CFAP54: variants seen among roughly 807,000 people sequenced by gnomAD.
CFAP54 encodes the protein cilia- and flagella-associated protein 54.
Under a neutral mutation model 370.4 loss-of-function variants are expected in CFAP54, and 290 were observed. The ratio of observed to expected loss-of-function variants is 0.78; its 90% confidence interval spans 0.71 to 0.86. The LOEUF is 0.86. Ranked by LOEUF, CFAP54 falls within the 40% of genes least tolerant of loss-of-function variation. The pLI is 0.00. For missense variants in CFAP54, 3,399 were observed against 3,528.7 expected (o/e 0.96, Z 0.93); for synonymous variants, 1,206 against 1,236.5 (o/e 0.98, Z 0.52).
chr12:96,534,046 G>T lies in CFAP54; in HGVS notation c.1540-16G>T. 1 of 1,512,336 alleles carries T rather than the reference G, an allele frequency of 6.6e-7. No homozygotes were observed. 93.7% of individuals were successfully genotyped at this position (1,512,336 alleles called of 1,614,324 possible). Reference sequence around the variant, plus strand: ...CATCCAATTACTAATTAACGTGTGGGATATACTTCCCCAAGAGGCAGGATG... The same window carrying T: ...CATCCAATTACTAATTAACGTGTGGTATATACTTCCCCAAGAGGCAGGATG... On this transcript the variant is annotated splice_polypyrimidine_tract_variant and intron_variant, in intron 10 of 67. Coordinates refer to ENST00000524981, the MANE Select transcript of CFAP54 (RefSeq NM_001306084.2).
intron 39 of CFAP54, among the ~76,000 whole-genome samples, chr12:96,669,542 G>A (rs1051753247): frequency 2.6e-5 from 4 of 152,116 alleles, no homozygotes; most frequent in Non-Finnish European, 1.5e-5. Context: ...GACAGAGGAT[G>A]TCCACAGGAC....
chr12:96,614,043 G>A (rs930139791), intron 26 of CFAP54, among the ~76,000 whole-genome samples: 6 of 151,964 alleles, frequency 3.9e-5, no homozygotes, highest in African/African-American at 1.2e-4. Flanking sequence ...TACCAAAGCC[G>A]GGCAGAGACA....
chr12:96,500,823 G>A lies in CFAP54; in HGVS notation c.318-11G>A, dbSNP rs755945863. Reference sequence around the variant, plus strand: ...CTTTGACAATGTCGTTTTATTTTATGATTTTTACAGTGCCACTTCTTTGTT... The same window carrying A: ...CTTTGACAATGTCGTTTTATTTTATAATTTTTACAGTGCCACTTCTTTGTT... On this transcript the variant is annotated splice_polypyrimidine_tract_variant and intron_variant, in intron 1 of 67. Coordinates refer to ENST00000524981, the MANE Select transcript of CFAP54 (RefSeq NM_001306084.2). 229 of 1,480,650 alleles carry A rather than the reference G, an allele frequency of 1.5e-4. 1 individual carries two copies. In the Middle Eastern group the frequency reaches 1.6e-3, roughly 10 times the overall value. The allele number at this position is 1,480,650 out of a possible 1,614,324, so 91.7% of individuals were successfully genotyped here.
At chr12:96,724,155 T>C (rs1957798388) in intron 50 of CFAP54, among the ~76,000 whole-genome samples, 2 of 150,626 alleles carry the variant, frequency 1.3e-5, no homozygotes, top group South Asian at 2.1e-4. Flanking sequence ...TGTGTCTTTA[T>C]AGCAGCATGA....
At chr12:96,759,410 A>G (rs894392059) in intron 58 of CFAP54, among the ~76,000 whole-genome samples, 12 of 152,184 alleles carry the variant, frequency 7.9e-5, no homozygotes, top group Admixed American at 5.2e-4. Flanking sequence ...AAGAACATAA[A>G]GAAGTTAGAA....
intron 22 of CFAP54, 129 bp from the exon 23 acceptor site, chr12:96,589,298 T>C (rs1353129506): frequency 2.7e-6 from 2 of 737,092 alleles, no homozygotes; most frequent in Admixed American, 2.8e-5. Flanking sequence ...ATGTGAATGA[T>C]TGTATCTGAA....
chr12:96,598,446 G>A (rs1181703067), intron 25 of CFAP54, among the ~76,000 whole-genome samples, 199 bp from the exon 26 acceptor site: 1 of 151,838 alleles, frequency 6.6e-6, no homozygotes, highest in Non-Finnish European at 1.5e-5. Flanking sequence ...GTTGCTGTAG[G>A]TGAAGGACTA....
At chr12:96,608,810 G>A (rs1956327125) in intron 26 of CFAP54, among the ~76,000 whole-genome samples, 2 of 151,968 alleles carry the variant, frequency 1.3e-5, no homozygotes, top group African/African-American at 4.8e-5. Context: ...GAACAGAGAG[G>A]AATAAGAGAG....
intron 26 of CFAP54, among the ~76,000 whole-genome samples, chr12:96,610,415 G>A (rs1205985564): frequency 6.6e-6 from 1 of 151,354 alleles, no homozygotes; most frequent in African/African-American, 2.4e-5. Flanking sequence ...GTTATGGGGG[G>A]GTGGGGGCTC....
At chr12:96,691,520 CT>C (rs1182350731) in intron 44 of CFAP54, among the ~76,000 whole-genome samples, 1 of 152,100 alleles carries the variant, frequency 6.6e-6, no homozygotes, top group Non-Finnish European at 1.5e-5. Flanking sequence ...GTCTATTTGA[CT>C]TTTTCTCCTT....
intron 66 of CFAP54, among the ~76,000 whole-genome samples, chr12:96,833,629 T>C (rs904493334): frequency 1.3e-5 from 2 of 151,876 alleles, no homozygotes; most frequent in African/African-American, 4.8e-5. Flanking sequence ...GAAAATGTTA[T>C]CCTAGGTCAA....
At position 96,527,302 on chromosome 12, in the gene CFAP54, T is replaced by C. The variant is rs1179608887; in HGVS notation, c.1215T>C (p.Thr405=). The C allele has an allele frequency of 6.5e-7, 1 of 1,535,722 alleles. No homozygotes were observed. Among genetic ancestry groups the C allele is most frequent in the Non-Finnish European group, 8.7e-7 (1 of 1,146,708 alleles). Residue 405 remains threonine, a synonymous_variant, in exon 9 of 68, where the codon ACT becomes ACC. Transcript: ENST00000524981. ...ERLLDEMFDS[T]ASQFLAVLEA... is the part of the protein sequence containing the mutation. The stretch of plus-strand genomic sequence containing the variant: ...TACTGGATGAGATGTTTGATAGCAC[T>C]GCATCCCAGTTTCTGGCTGTCTTGG...
At chr12:96,624,429 C>G (rs1359170319) in intron 28 of CFAP54, among the ~76,000 whole-genome samples, 1 of 152,100 alleles carries the variant, frequency 6.6e-6, no homozygotes, top group Non-Finnish European at 1.5e-5. Flanking sequence ...TGAACCAATG[C>G]CTTTCAGAGT....
At chr12:96,805,404 T>TA (rs1390756098) in intron 63 of CFAP54, among the ~76,000 whole-genome samples, 1 of 151,360 alleles carries the variant, frequency 6.6e-6, no homozygotes, top group African/African-American at 2.4e-5. Flanking sequence ...AAAAAACCAT[T>TA]AAAAAGTGGA....
intron 60 of CFAP54, among the ~76,000 whole-genome samples, chr12:96,773,340 C>T (rs781583419): frequency 3.3e-5 from 5 of 152,184 alleles, no homozygotes; most frequent in African/African-American, 4.8e-5. Context: ...TCACACCAGC[C>T]GAAGAGATGC....
At chr12:96,757,334 GT>G (rs1412665772) in intron 57 of CFAP54, among the ~76,000 whole-genome samples, 160 bp from the exon 58 acceptor site, 1 of 152,214 alleles carries the variant, frequency 6.6e-6, no homozygotes, top group African/African-American at 2.4e-5. Flanking sequence ...GAAGATGCTA[GT>G]ATCTATGGTC....
intron 63 of CFAP54, among the ~76,000 whole-genome samples, chr12:96,810,099 G>C (rs941012280): frequency 6.6e-6 from 1 of 151,944 alleles, no homozygotes; most frequent in African/African-American, 2.4e-5. Flanking sequence ...CCAGATGAAA[G>C]GGAGGTTGTC....
At chr12:96,805,407 A>G (rs1214858704) in intron 63 of CFAP54, among the ~76,000 whole-genome samples, 1 of 152,120 alleles carries the variant, frequency 6.6e-6, no homozygotes, top group Non-Finnish European at 1.5e-5. Context: ...AAACCATTAA[A>G]AAGTGGACTA....
chr12:96,517,051 A>AT (rs1221320202), intron 5 of CFAP54, among the ~76,000 whole-genome samples: 1 of 151,426 alleles, frequency 6.6e-6, no homozygotes, highest in Admixed American at 6.6e-5. Flanking sequence ...ATCCTATTAA[A>AT]TTTTTTAATT....
Sources: gnomAD v4.1 joint callset for allele counts (sites outside exome capture counted in the v4.1 genomes callset) on GRCh38, gnomAD v4.1.1 for gene constraint, MANE v1.5 for transcripts, NCBI Gene and HGNC (gene_info 2026-07-23, HGNC 2026-07-21) for gene names.